Variants in MAP3K19 observed in about 807,000 individuals in gnomAD.
MAP3K19 encodes mitogen-activated protein kinase kinase kinase 19.
Under a neutral mutation model 114.4 loss-of-function variants are expected in MAP3K19, and 91 were observed. The observed-to-expected ratio is 0.80, with a 90% CI of 0.67 to 0.95. MAP3K19 has a LOEUF of 0.95. MAP3K19 is among the 40% of genes least tolerant of loss of function. MAP3K19 has a pLI of 0.00. For synonymous variants in MAP3K19, 518 were observed against 530.5 expected (o/e 0.98, Z 0.32); for missense variants, 1,471 against 1,573.2 (o/e 0.94, Z 1.10).
At chr2:134,964,960 G>A in intron 12 of MAP3K19, 44 bp from the exon 13 acceptor site, 1 of 1,381,868 alleles carries the variant, frequency 7.2e-7, no homozygotes, top group Non-Finnish European at 1.0e-6. Flanking sequence ...ACTCAGTAAT[G>A]AGACTGCCAA....
chr2:134,976,686 GAAAT>G (rs1018091700), intron 12 of MAP3K19, among the ~76,000 whole-genome samples: 1 of 151,564 alleles, frequency 6.6e-6, no homozygotes, highest in Non-Finnish European at 1.5e-5. Flanking sequence ...GGTGAAAATG[GAAAT>G]AAATACTCTT....
At chr2:135,007,914 A>G (rs545839902) in intron 5 of MAP3K19, among the ~76,000 whole-genome samples, 17 of 152,330 alleles carry the variant, frequency 1.1e-4, no homozygotes, top group African/African-American at 4.1e-4. Flanking sequence ...ATAACCTGAC[A>G]ACCAAAGAGC....
intron 5 of MAP3K19, among the ~76,000 whole-genome samples, chr2:135,007,095 G>A (rs947821682): frequency 6.6e-6 from 1 of 151,476 alleles, no homozygotes; most frequent in African/African-American, 2.4e-5. Flanking sequence ...GCCATAGGAG[G>A]TTGAGGCTGC....
At chr2:135,005,553 A>T (rs1307549353) in intron 5 of MAP3K19, 22 bp from the exon 6 acceptor site, 11 of 1,581,290 alleles carry the variant, frequency 7.0e-6, no homozygotes, top group Non-Finnish European at 9.6e-6. Flanking sequence ...TAAAATTCAA[A>T]ACTCAGTTAT....
chr2:134,981,880 CTTT>C (rs567597251), intron 11 of MAP3K19, among the ~76,000 whole-genome samples: 1,742 of 124,518 alleles, frequency 0.014, 29 homozygotes, highest in African/African-American at 0.044. Flanking sequence ...GATTTCTTTT[CTTT>C]TTTTTTTTTT....
Position 135,024,658 on chromosome 2 carries a change from A to T in MAP3K19, c.-11T>A, listed in dbSNP as rs1325914755. On this transcript the variant is annotated 5_prime_UTR_variant, in exon 4 of 13. Transcript: ENST00000392915. Reference sequence around the variant, plus strand: ...TGGCATAGAACTCATTAAAATGTCCAAAAGCTGCTGTTTCTTTGAACTCTC... The same window carrying T: ...TGGCATAGAACTCATTAAAATGTCCTAAAGCTGCTGTTTCTTTGAACTCTC... The T allele has an allele frequency of 6.2e-7, 1 of 1,612,986 alleles. No homozygotes were observed. Among genetic ancestry groups the T allele is most frequent in the South Asian group, 1.1e-5 (1 of 91,008 alleles).
In MAP3K19 at chr2:134,999,003, G is replaced by A. The variant is rs1686236177; in HGVS notation, c.315-6C>T. The A allele has an allele frequency of 2.5e-6, 4 of 1,605,916 alleles. No homozygotes were observed. In the African/African-American group the frequency reaches 4.0e-5, roughly 16 times the overall value. On this transcript the variant is annotated splice_region_variant and splice_polypyrimidine_tract_variant and intron_variant, in intron 7 of 12. Transcript: ENST00000392915. This position sits in a 1 kb window ranked among gnomAD's most constrained non-coding sequence, Gnocchi z 4.1. ...GAAGCGATGAGTTTATCAGACTAAAGGGGGAGGGAAATGTTTGATTTAAAA... is the reference window on the plus strand; with the variant it reads ...GAAGCGATGAGTTTATCAGACTAAAAGGGGAGGGAAATGTTTGATTTAAAA...
chr2:135,033,804 G>C, intron 2 of MAP3K19, among the ~76,000 whole-genome samples: 1 of 18,828 alleles, frequency 5.3e-5, no homozygotes, highest in Non-Finnish European at 8.9e-5. Flanking sequence ...CTCCCGGACG[G>C]GGTGGCTGGC....
At chr2:134,994,781 T>G (rs1477594713) in intron 8 of MAP3K19, among the ~76,000 whole-genome samples, 1 of 152,184 alleles carries the variant, frequency 6.6e-6, no homozygotes, top group Non-Finnish European at 1.5e-5. Context: ...CACTCAAACA[T>G]ACAGAACTTT....
intron 5 of MAP3K19, among the ~76,000 whole-genome samples, chr2:135,019,692 A>G (rs553940593): frequency 1.9e-3 from 292 of 152,274 alleles, no homozygotes; most frequent in African/African-American, 6.6e-3. Flanking sequence ...TTTTTAACCA[A>G]TAAAATATAG....
intron 2 of MAP3K19, among the ~76,000 whole-genome samples, chr2:135,036,637 ATGTGTGTGTGTG>A (rs57859657): frequency 1.3e-3 from 176 of 140,296 alleles, no homozygotes; most frequent in Middle Eastern, 3.4e-3. Context: ...GTTCAACATT[ATGTGTGTGTGTG>A]TGTGTGTGTG....
chr2:134,987,886 G>A lies in MAP3K19; in HGVS notation c.986C>T (p.Ser329Phe), dbSNP rs1685277683. 3.1e-6 allele frequency: 5 copies of A among 1,613,744 alleles called. No individual in the cohort carries two copies. Among genetic ancestry groups the A allele is most frequent in the Non-Finnish European group, 3.4e-6 (4 of 1,180,036 alleles). Residue 329 changes from serine to phenylalanine, a missense_variant, in exon 10 of 13, where the codon TCT (serine) becomes TTT (phenylalanine). Physicochemically the swap from Ser to Phe is radical, Grantham distance 155. Transcript: ENST00000392915. ...CTTCAAATTCTCAAAAGACACCAAA[G>A]ACTGCCCTTTTTCAAAGTGAGTGAT... ...IEITHFEKGQ[S>F]LVSFENLKEG... is the part of the protein sequence containing the mutation.
chr2:134,965,495 G>C (rs1683269754), intron 12 of MAP3K19, among the ~76,000 whole-genome samples: 1 of 152,122 alleles, frequency 6.6e-6, no homozygotes, highest in Non-Finnish European at 1.5e-5. Flanking sequence ...TTTTAGAAAG[G>C]TATCAGTCAA....
intron 12 of MAP3K19, among the ~76,000 whole-genome samples, chr2:134,968,758 C>G (rs1489485937): frequency 2.0e-5 from 3 of 151,086 alleles, no homozygotes; most frequent in Admixed American, 1.3e-4. Flanking sequence ...GATGGGCGGC[C>G]GGGCAGAGAC....
At chr2:134,970,610 T>C (rs956123892) in intron 12 of MAP3K19, among the ~76,000 whole-genome samples, 5 of 150,026 alleles carry the variant, frequency 3.3e-5, no homozygotes, top group African/African-American at 1.2e-4. Context: ...TTTTTTTTTT[T>C]TTTTTTAGAT....
At chr2:135,033,400 GCGGC>G (rs1451735571) in intron 2 of MAP3K19, among the ~76,000 whole-genome samples, 21 of 116,794 alleles carry the variant, frequency 1.8e-4, no homozygotes, top group Non-Finnish European at 3.0e-4. Flanking sequence ...CCCGGACGGG[GCGGC>G]TGGCCGGGCA....
chr2:134,966,144 G>A (rs1012965773), intron 12 of MAP3K19, among the ~76,000 whole-genome samples: 3 of 152,136 alleles, frequency 2.0e-5, no homozygotes, highest in Non-Finnish European at 4.4e-5. Context: ...GGGACACTTA[G>A]GTGGATCCAT....
intron 5 of MAP3K19, among the ~76,000 whole-genome samples, chr2:135,021,301 G>C (rs1687953568): frequency 6.6e-6 from 1 of 152,206 alleles, no homozygotes; most frequent in Non-Finnish European, 1.5e-5. Flanking sequence ...CATCAAGTGA[G>C]CATATGAGAG....
Position 134,980,852 on chromosome 2 carries a change from C to T in MAP3K19, c.3889G>A (p.Ala1297Thr), listed in dbSNP as rs770778105. ...PPLPDHFSENAADFVRMCLTR... is the reference protein window; with the variant it reads ...PPLPDHFSENTADFVRMCLTR... ...AGGCACATGCGCACAAAGTCTGCTGCATTTTCTGAGAAGTGGTCTGGTAAA... is the reference window on the plus strand; with the variant it reads ...AGGCACATGCGCACAAAGTCTGCTGTATTTTCTGAGAAGTGGTCTGGTAAA... Residue 1297 changes from alanine to threonine, a missense_variant, in exon 12 of 13, where the codon GCA becomes ACA. Transcript: ENST00000392915. 14 of 1,614,088 alleles carry T rather than the reference C, an allele frequency of 8.7e-6. No individual in the cohort carries two copies. In the South Asian group the frequency reaches 1.4e-4, roughly 16 times the overall value.
Sources: allele counts gnomAD v4.1 joint callset (sites outside exome capture counted in the v4.1 genomes callset), GRCh38; gene constraint gnomAD v4.1.1; non-coding constraint Gnocchi (gnomAD v3.1); transcripts MANE v1.5; gene names NCBI Gene and HGNC (gene_info 2026-07-23, HGNC 2026-07-21).